The following C3 variants were observed in gnomAD, a reference collection of about 807,000 sequenced individuals.
C3 encodes C3 and PZP-like alpha-2-macroglobulin domain-containing protein 1.
C3 carries 97 observed loss-of-function variants against 207.9 expected under a neutral mutation model. The observed-to-expected ratio is 0.47, with a 90% CI of 0.40 to 0.55. The LOEUF (loss-of-function observed/expected upper bound fraction) is 0.55, where lower values mean the gene tolerates loss of function less well. Among genes scored for constraint, C3 ranks in the 20% least tolerant of loss-of-function variants. The probability of loss-of-function intolerance (pLI) is 0.00; values close to 1 mark genes in which losing one functional copy is unlikely to be tolerated. For missense variants in C3, 1,684 were observed against 2,171.7 expected (o/e 0.78, Z 4.46); for synonymous variants, 848 against 857.6 (o/e 0.99, Z 0.20).
At chr19:6,689,812 T>C (rs1186815346) in intron 27 of C3, among the ~76,000 whole-genome samples, 1 of 152,162 alleles carries the variant, frequency 6.6e-6, no homozygotes, top group Admixed American at 6.6e-5. Context: ...TGAAACCTCA[T>C]GTCTACTAAA....
chr19:6,710,642 G>A lies in C3; in HGVS notation c.1683C>T (p.Gly561=). 1.9e-6 allele frequency: 3 copies of A among 1,612,474 alleles called. No homozygotes were observed. The highest frequency in any genetic ancestry group is 1.7e-6 in the Non-Finnish European group (2 of 1,179,424). The change falls in exon 13 of 41, where the codon GGC becomes GGT. Residue 561 remains glycine, a synonymous_variant. Transcript: ENST00000245907. ...VWVDVKDSCV[G]SLVVKSGQSE... ...AGCGAGCCCAGGGCACACTTACCGA[G>A]CCCACGCAGGAGTCCTTGACGTCCA... is the stretch of plus-strand genomic sequence containing the variant.
rs779027799 is a variant in C3 at position 6,678,236 on chromosome 19, T to A, written c.4766A>T (p.Lys1589Met). 1.2e-6 allele frequency: 2 copies of A among 1,614,066 alleles called. No individual in the cohort carries two copies. The highest frequency in any genetic ancestry group is 2.7e-5 in the African/African-American group (2 of 74,910). Reference protein sequence around the residue: ...GQQRTFISPIKCREALKLEEK... With the variant: ...GQQRTFISPIMCREALKLEEK... ...CTCCAGCTTCAGGGCTTCTCTGCAC[T>A]TGATGGGGCTGATGAACGTGCGCTG... The change falls in exon 40 of 41, where the codon AAG becomes ATG. Residue 1589 changes from lysine to methionine, a missense_variant. By Grantham distance (95) the Lys-to-Met change is moderately conservative. This residue lies in a region of C3 where 346 missense variants were observed against 380.1 expected (regional missense o/e 0.91). Transcript: ENST00000245907.
At chr19:6,682,501 C>T (rs1296884463) in intron 33 of C3, 8 of 424,280 alleles carry the variant, frequency 1.9e-5, no homozygotes, top group African/African-American at 1.6e-4. Context: ...ATTTGACCCT[C>T]CATGCTTCAG....
At chr19:6,679,656 T>C (rs1475062488) in intron 36 of C3, among the ~76,000 whole-genome samples, 160 bp from the exon 37 acceptor site, 1 of 151,960 alleles carries the variant, frequency 6.6e-6, no homozygotes, top group African/African-American at 2.4e-5. Flanking sequence ...TACTTTCTGA[T>C]CTTTGGGATT....
rs753139647 is a variant in C3, at chr19:6,711,011, G to T, written c.1455C>A (p.Ala485=). ...FLLRMDRAHE[A]KIRYYTYLIM... ...CCAGGTAGGTGTAGTAGCGGATCTT[G>T]GCCTCGTGGGCGCGGTCCATTCGCA... Residue 485 remains alanine (A), a synonymous_variant, in exon 12 of 41, where the codon GCC becomes GCA. Transcript: ENST00000245907. 1 of 1,614,136 alleles carries T rather than the reference G, an allele frequency of 6.2e-7. No individual in the cohort carries two copies. Among genetic ancestry groups the T allele is most frequent in the Non-Finnish European group, 8.5e-7 (1 of 1,179,994 alleles).
chr19:6,709,615 A>ACCCCCCCCCCC, intron 14 of C3, 69 bp downstream of exon 14: 4 of 403,604 alleles, frequency 9.9e-6, no homozygotes, highest in South Asian at 2.5e-5. Context: ...CTCCAGTCCC[A>ACCCCCCCCCCC]CCCACCTCCC....
intron 7 of C3, 141 bp from the exon 8 acceptor site, chr19:6,713,650 T>A (rs1599525066): frequency 6.0e-6 from 3 of 499,144 alleles, no homozygotes; most frequent in Non-Finnish European, 1.0e-5. Flanking sequence ...GCCCCTCACC[T>A]GGCCCCACCC....
At position 6,680,198 on chromosome 19, in the gene C3, G is replaced by C. The variant is rs774197192; in HGVS notation, c.4416C>G (p.Ile1472Met). 4 of 1,613,546 alleles carry C rather than the reference G, an allele frequency of 2.5e-6. No homozygotes were observed. The highest frequency in any genetic ancestry group is 3.4e-6 in the Non-Finnish European group (4 of 1,179,484). ...CGTAGACCTTGACTGCTCCAGGCTG[G>C]ATAAGCTCTACATTAAAGTATTGGT... Reference protein sequence around the residue: ...KVHQYFNVELIQPGAVKVYAY... With the variant: ...KVHQYFNVELMQPGAVKVYAY... The change falls in exon 36 of 41, where the codon ATC becomes ATG. Residue 1472 changes from isoleucine to methionine, a missense_variant. Ile to Met is a conservative substitution (Grantham distance 10). This residue lies in a region of C3 where 346 missense variants were observed against 380.1 expected (regional missense o/e 0.91). Coordinates refer to ENST00000245907, the MANE Select transcript of C3 (RefSeq NM_000064.4).
At chr19:6,705,748 C>A (rs555565518) in intron 17 of C3, among the ~76,000 whole-genome samples, 16 of 152,000 alleles carry the variant, frequency 1.1e-4, no homozygotes, top group Non-Finnish European at 1.9e-4. Context: ...AATCTCAGCT[C>A]ACTGCAACCT....
At chr19:6,701,669 C>T (rs2642209) in intron 19 of C3, among the ~76,000 whole-genome samples, 98,846 of 151,648 alleles carry the variant, frequency 0.65, 32,489 homozygotes, top group East Asian at 0.84. Context: ...TATAGGCGCC[C>T]GCCACCCCCT....
chr19:6,681,887 A>G, intron 35 of C3, 54 bp downstream of exon 35: 1 of 1,288,566 alleles, frequency 7.8e-7, no homozygotes, highest in Non-Finnish European at 1.1e-6. Flanking sequence ...GACCAGCCAG[A>G]TAGAGGTCAG....
Position 6,707,601 on chromosome 19 carries a change from C to G in C3, c.1976-64G>C, listed in dbSNP as rs1599519335. On this transcript the variant is annotated intron_variant, in intron 15 of 40. Transcript: ENST00000245907. Reference sequence around the variant, plus strand: ...ACCTACTAGGTGTCCTCGGTTCACCCCTCACGATCGTGTGAGGTGGGGGTG... The same window carrying G: ...ACCTACTAGGTGTCCTCGGTTCACCGCTCACGATCGTGTGAGGTGGGGGTG... 1.9e-6 allele frequency: 3 copies of G among 1,582,108 alleles called. No homozygotes were observed. The East Asian group carries it at 6.7e-5, about 35-fold the overall frequency.
chr19:6,704,632 G>T (rs552761351), intron 17 of C3, among the ~76,000 whole-genome samples: 4 of 152,092 alleles, frequency 2.6e-5, no homozygotes, highest in African/African-American at 4.8e-5. Context: ...GGTGGCAGGT[G>T]CCTGTAATCC....
intron 29 of C3, among the ~76,000 whole-genome samples, 193 bp from the exon 30 acceptor site, chr19:6,685,339 A>G (rs550040105): frequency 5.3e-5 from 8 of 152,280 alleles, no homozygotes; most frequent in African/African-American, 1.9e-4. Flanking sequence ...AGAGACAGAA[A>G]CTTACACCAG....
chr19:6,703,435 C>T (rs1305579184), intron 17 of C3, among the ~76,000 whole-genome samples: 2 of 152,018 alleles, frequency 1.3e-5, no homozygotes, highest in Non-Finnish European at 2.9e-5. Context: ...GGCAAAACCG[C>T]GCCTCTACTA....
intron 17 of C3, among the ~76,000 whole-genome samples, chr19:6,704,263 G>A (rs1206890399): frequency 6.6e-6 from 1 of 152,148 alleles, no homozygotes; most frequent in East Asian, 1.9e-4. Context: ...CTCCAGCCTG[G>A]GCGAAAGAGC....
intron 4 of C3, among the ~76,000 whole-genome samples, chr19:6,715,183 T>C (rs11569570): frequency 1.7e-3 from 257 of 152,086 alleles, no homozygotes; most frequent in Non-Finnish European, 3.0e-3. Context: ...TCTCAAAAAA[T>C]AATGTATTAG....
chr19:6,685,119 C>T lies in C3; in HGVS notation c.3838G>A (p.Ala1280Thr). ...TCAGGGGCGTCCTTTTGGTATTGAG[C>T]CAAGGCTTGGAACACCATGAAGGTG... is the stretch of plus-strand genomic sequence containing the variant. ...QATFMVFQAL[A>T]QYQKDAPDHQ... Residue 1280 changes from alanine to threonine, a missense_variant, in exon 30 of 41, where the codon GCT becomes ACT. This residue lies in a region of C3 where 1,280 missense variants were observed against 1,739.1 expected (regional missense o/e 0.74). Transcript: ENST00000245907. The T allele has an allele frequency of 1.9e-6, 3 of 1,613,900 alleles. No individual in the cohort carries two copies. Among genetic ancestry groups the T allele is most frequent in the Non-Finnish European group, 2.5e-6 (3 of 1,179,934 alleles).
intron 27 of C3, among the ~76,000 whole-genome samples, chr19:6,688,213 C>T (rs1188875993): frequency 6.6e-6 from 1 of 152,086 alleles, no homozygotes; most frequent in African/African-American, 2.4e-5. Flanking sequence ...TCACTGCAAC[C>T]TCCGCCTCCC....
Sources: allele counts gnomAD v4.1 joint callset (sites outside exome capture counted in the v4.1 genomes callset), GRCh38; gene constraint gnomAD v4.1.1; regional missense constraint gnomAD v4.1.1; transcripts MANE v1.5; gene names NCBI Gene and HGNC (gene_info 2026-07-23, HGNC 2026-07-21).